The following LIMCH1 variants were observed in gnomAD, a reference collection of about 807,000 sequenced individuals.
The protein encoded by LIMCH1 is LIM and calponin homology domains 1, also known as LIM and calponin homology domains-containing protein 1.
A neutral mutation model predicts 176.5 loss-of-function variants in LIMCH1; 113 were observed. The ratio of observed to expected loss-of-function variants is 0.64; its 90% CI spans 0.55 to 0.75. The LOEUF (loss-of-function observed/expected upper bound fraction) is 0.75. Ranked by LOEUF, LIMCH1 falls within the 30% of genes least tolerant of loss-of-function variation. LIMCH1 has a pLI of 0.00. For missense variants in LIMCH1, 1,674 were observed against 1,814.9 expected (o/e 0.92, Z 1.41); for synonymous variants, 619 against 645.9 (o/e 0.96, Z 0.63).
intron 13 of LIMCH1, among the ~76,000 whole-genome samples, chr4:41,634,110 A>G (rs777432190): frequency 6.6e-6 from 1 of 152,226 alleles, no homozygotes; most frequent in African/African-American, 2.4e-5. Context: ...TTGAACTTCT[A>G]TCTGACTTAC....
chr4:41,442,129 A>G (rs1021803009), intron 1 of LIMCH1, among the ~76,000 whole-genome samples: 2 of 152,068 alleles, frequency 1.3e-5, no homozygotes, highest in African/African-American at 4.8e-5. Context: ...GCGAAACTGC[A>G]TCTCTACAGA....
At chr4:41,398,567 C>T (rs1042061687) in intron 1 of LIMCH1, among the ~76,000 whole-genome samples, 23 of 152,028 alleles carry the variant, frequency 1.5e-4, no homozygotes, top group African/African-American at 5.6e-4. Context: ...TTGGCCAAGA[C>T]CCTGGGAAAA....
chr4:41,410,591 T>A (rs1175089876), intron 1 of LIMCH1, among the ~76,000 whole-genome samples: 1 of 152,010 alleles, frequency 6.6e-6, no homozygotes, highest in Non-Finnish European at 1.5e-5. Flanking sequence ...AAACAAAACA[T>A]GGGGGAAAAT....
At chr4:41,486,971 C>T (rs10050216) in intron 1 of LIMCH1, among the ~76,000 whole-genome samples, 28,921 of 127,574 alleles carry the variant, frequency 0.23, 2,968 homozygotes, top group South Asian at 0.34. Context: ...CACACACACA[C>T]ATACATACAC....
chr4:41,382,916 A>G (rs545330532), intron 1 of LIMCH1, among the ~76,000 whole-genome samples: 65 of 152,148 alleles, frequency 4.3e-4, no homozygotes, highest in African/African-American at 1.5e-3. Context: ...TCAGCCACCC[A>G]AGTAGCTGGG....
intron 1 of LIMCH1, among the ~76,000 whole-genome samples, chr4:41,491,759 C>A (rs549293706): frequency 1.8e-4 from 27 of 149,766 alleles, no homozygotes; most frequent in Non-Finnish European, 3.4e-4. Flanking sequence ...CTCCTCACTT[C>A]CCATTCGGGG....
intron 1 of LIMCH1, among the ~76,000 whole-genome samples, chr4:41,481,954 G>A (rs1027897994): frequency 1.3e-5 from 2 of 151,894 alleles, no homozygotes; most frequent in African/African-American, 4.8e-5. Flanking sequence ...GGGTTCAAGC[G>A]ATTCTTCTGC....
intron 1 of LIMCH1, among the ~76,000 whole-genome samples, chr4:41,383,162 C>T (rs888700960): frequency 6.6e-6 from 1 of 152,186 alleles, no homozygotes; most frequent in African/African-American, 2.4e-5. Context: ...TCTGTCTCTT[C>T]CATATTATTA....
At chr4:41,670,680 A>T in intron 21 of LIMCH1, 1 of 1,469,388 alleles carries the variant, frequency 6.8e-7, no homozygotes, top group Non-Finnish European at 9.2e-7. Context: ...CCCAGTTTTC[A>T]TGGTTTTCTG....
chr4:41,554,684 C>G (rs1264879541), intron 1 of LIMCH1, among the ~76,000 whole-genome samples: 1 of 152,100 alleles, frequency 6.6e-6, no homozygotes, highest in Non-Finnish European at 1.5e-5. Context: ...AGATTTTTGT[C>G]CATATATACT....
chr4:41,365,817 G>C (rs983904760), intron 1 of LIMCH1, among the ~76,000 whole-genome samples: 2 of 152,242 alleles, frequency 1.3e-5, no homozygotes, highest in African/African-American at 4.8e-5. Flanking sequence ...TTTGGGGAAA[G>C]GGGATGCGGA....
chr4:41,416,485 CT>C (rs1399614711), intron 1 of LIMCH1, among the ~76,000 whole-genome samples: 1 of 150,012 alleles, frequency 6.7e-6, no homozygotes, highest in Non-Finnish European at 1.5e-5. Context: ...AACCTCATCT[CT>C]ACTAAAAATA....
intron 2 of LIMCH1, among the ~76,000 whole-genome samples, chr4:41,504,456 T>C (rs983682620): frequency 2.0e-5 from 3 of 152,238 alleles, no homozygotes; most frequent in African/African-American, 7.2e-5. Flanking sequence ...TTTTTGCATC[T>C]GAGCAGTTCC....
intron 31 of LIMCH1, among the ~76,000 whole-genome samples, chr4:41,695,649 A>AT (rs1730100397): frequency 6.6e-6 from 1 of 151,946 alleles, no homozygotes. Flanking sequence ...CTTTCCAATT[A>AT]TTTTTTTCCA....
intron 30 of LIMCH1, among the ~76,000 whole-genome samples, chr4:41,691,898 T>A (rs1726249096): frequency 6.6e-6 from 1 of 152,218 alleles, no homozygotes; most frequent in Non-Finnish European, 1.5e-5. Context: ...TGGCCATGTG[T>A]TTATTTAAAG....
At chr4:41,544,827 G>A (rs1217732409) in intron 1 of LIMCH1, among the ~76,000 whole-genome samples, 1 of 152,216 alleles carries the variant, frequency 6.6e-6, no homozygotes. Context: ...TGGGGCAGCT[G>A]CTGAGGACTA....
chr4:41,390,269 A>AGAGAGC (rs1554024866), intron 1 of LIMCH1, among the ~76,000 whole-genome samples: 153 of 150,372 alleles, frequency 1.0e-3, no homozygotes, highest in South Asian at 3.2e-3. Context: ...AGAGAGAGAG[A>AGAGAGC]GAGAGCGAGA....
intron 17 of LIMCH1, among the ~76,000 whole-genome samples, chr4:41,648,652 G>T (rs2094157854): frequency 2.3e-5 from 3 of 128,024 alleles, no homozygotes; most frequent in African/African-American, 9.3e-5. Flanking sequence ...GAAGCTAAGG[G>T]GTAGGGGTGT....
At chr4:41,451,993 C>T (rs554679548) in intron 1 of LIMCH1, among the ~76,000 whole-genome samples, 9 of 152,268 alleles carry the variant, frequency 5.9e-5, no homozygotes, top group African/African-American at 1.9e-4. Context: ...GCCCTAGGCA[C>T]GCTTTCTGGA....
Sources: allele counts gnomAD v4.1 joint callset (sites outside exome capture counted in the v4.1 genomes callset), GRCh38; gene constraint gnomAD v4.1.1; transcripts MANE v1.5; gene names NCBI Gene and HGNC (gene_info 2026-07-23, HGNC 2026-07-21).